Variants in MEMO1 observed in about 807,000 individuals in gnomAD.
The protein encoded by MEMO1 is mediator of cell motility 1, also known as protein MEMO1.
Under a neutral mutation model 45.2 loss-of-function variants are expected in MEMO1, and 6 were observed. The ratio of observed to expected loss-of-function variants is 0.13; its 90% CI spans 0.07 to 0.26. The LOEUF is 0.26. Ranked by LOEUF, MEMO1 falls within the 10% of genes least tolerant of loss-of-function variation. The pLI is 1.00. For missense variants in MEMO1, 184 were observed against 370.5 expected (o/e 0.50, Z 4.13); for synonymous variants, 78 against 124.3 (o/e 0.63, Z 2.48).
chr2:31,968,037 G>GT (rs1405770774), intron 2 of MEMO1, among the ~76,000 whole-genome samples: 1 of 152,138 alleles, frequency 6.6e-6, no homozygotes, highest in Non-Finnish European at 1.5e-5. Flanking sequence ...AAAAATGGAA[G>GT]TAAAAACTCA....
chr2:31,870,452 A>G (rs1673534489), intron 8 of MEMO1, among the ~76,000 whole-genome samples: 1 of 152,202 alleles, frequency 6.6e-6, no homozygotes, highest in Non-Finnish European at 1.5e-5. Context: ...AATATCAACC[A>G]TGTAAGGTAT....
At chr2:31,873,431 A>G (rs928478724) in intron 8 of MEMO1, among the ~76,000 whole-genome samples, 2 of 152,162 alleles carry the variant, frequency 1.3e-5, no homozygotes, top group Non-Finnish European at 2.9e-5. Context: ...TAATCAGTGA[A>G]TATTTGTGAT....
intron 4 of MEMO1, among the ~76,000 whole-genome samples, chr2:31,928,867 G>T (rs1426364564): frequency 1.3e-5 from 2 of 151,910 alleles, no homozygotes; most frequent in Non-Finnish European, 2.9e-5. Context: ...CAGAAACTTA[G>T]ACTCTTTAAA....
At chr2:31,889,544 G>T (rs1472403367) in intron 7 of MEMO1, among the ~76,000 whole-genome samples, 1 of 152,054 alleles carries the variant, frequency 6.6e-6, no homozygotes, top group Non-Finnish European at 1.5e-5. Flanking sequence ...ATGAATGTGA[G>T]AAACATGAAA....
chr2:31,999,882 ATTTTTTTT>A (rs5830219), intron 2 of MEMO1, among the ~76,000 whole-genome samples: 1 of 123,118 alleles, frequency 8.1e-6, no homozygotes, highest in African/African-American at 3.1e-5. Flanking sequence ...TGCATCAGGC[ATTTTTTTT>A]TTTTTTTTTT....
At chr2:31,887,581 A>AATGTATTTCATAAAGGAAAT (rs1676384470) in intron 7 of MEMO1, among the ~76,000 whole-genome samples, 1 of 152,178 alleles carries the variant, frequency 6.6e-6, no homozygotes, top group Non-Finnish European at 1.5e-5. Context: ...CCAAAGAAAA[A>AATGTATTTCATAAAGGAAAT]ATGTATTTCA....
chr2:32,007,767 A>C lies in MEMO1; in HGVS notation c.61+2420T>G, dbSNP rs115257706. 3.4e-3 allele frequency among the ~76,000 whole-genome samples: 515 copies of C among 152,334 alleles called. 1 individual carries two copies. Among genetic ancestry groups the C allele is most frequent in the Non-Finnish European group, 4.9e-3 (336 of 68,028 alleles). ...ACAAGTCCAATTTTTCCAAAGGTCAATGTTATCAATGTAGGTACACTGACA... is the reference window on the plus strand; with the variant it reads ...ACAAGTCCAATTTTTCCAAAGGTCACTGTTATCAATGTAGGTACACTGACA... On this transcript the variant is annotated intron_variant, in intron 2 of 9. Coordinates refer to ENST00000404530, the MANE Select transcript of MEMO1 (RefSeq NM_001301833.4).
chr2:31,988,777 A>T (rs1022085928), intron 2 of MEMO1, among the ~76,000 whole-genome samples: 1 of 152,348 alleles, frequency 6.6e-6, no homozygotes, highest in Non-Finnish European at 1.5e-5. Context: ...TTAAATGGGT[A>T]GAAAGATGGC....
chr2:32,004,312 T>C (rs566112459), intron 2 of MEMO1, among the ~76,000 whole-genome samples: 10 of 149,784 alleles, frequency 6.7e-5, no homozygotes, highest in Middle Eastern at 6.8e-3. Context: ...TAGAAGTCAA[T>C]ATGAAAAAAA....
chr2:31,947,091 G>A (rs749460515), intron 2 of MEMO1, among the ~76,000 whole-genome samples: 3 of 152,064 alleles, frequency 2.0e-5, no homozygotes, highest in Non-Finnish European at 4.4e-5. Flanking sequence ...ACCATTTCTC[G>A]AGTGCATCCC....
At chr2:31,970,819 C>T (rs1669303686) in intron 2 of MEMO1, among the ~76,000 whole-genome samples, 1 of 152,142 alleles carries the variant, frequency 6.6e-6, no homozygotes. Context: ...GCCTGGCCAA[C>T]GTGGTGAAAC....
At chr2:31,974,710 A>G (rs984021988) in intron 2 of MEMO1, among the ~76,000 whole-genome samples, 6 of 152,014 alleles carry the variant, frequency 3.9e-5, no homozygotes, top group African/African-American at 1.5e-4. Flanking sequence ...GGTTGCAGTG[A>G]GCCAAGATTG....
intron 4 of MEMO1, chr2:31,923,565 C>T (rs1682648536): frequency 1.4e-6 from 2 of 1,381,104 alleles, no homozygotes. Context: ...AAATTAAAGG[C>T]TTACGTGGGC....
chr2:31,885,472 A>T (rs968017526), intron 7 of MEMO1, among the ~76,000 whole-genome samples: 2 of 152,226 alleles, frequency 1.3e-5, no homozygotes, highest in Non-Finnish European at 2.9e-5. Flanking sequence ...CTCAGTGCCA[A>T]ATCTAAAGTG....
At chr2:31,929,937 AT>A (rs1260004075) in intron 4 of MEMO1, among the ~76,000 whole-genome samples, 1 of 152,240 alleles carries the variant, frequency 6.6e-6, no homozygotes, top group Non-Finnish European at 1.5e-5. Context: ...TTCATTCAGA[AT>A]TCAGTTATTA....
intron 6 of MEMO1, among the ~76,000 whole-genome samples, chr2:31,916,671 G>C (rs1681493089): frequency 6.6e-6 from 1 of 152,018 alleles, no homozygotes. Flanking sequence ...TAATATATAT[G>C]GTTTCACATT....
intron 6 of MEMO1, among the ~76,000 whole-genome samples, chr2:31,902,755 GT>G (rs201591270): frequency 6.7e-6 from 1 of 150,242 alleles, no homozygotes; most frequent in Non-Finnish European, 1.5e-5. Context: ...TGTTTGTTTT[GT>G]TTTTTTTTGT....
chr2:31,991,551 A>C (rs1671951045), intron 2 of MEMO1, among the ~76,000 whole-genome samples: 1 of 136,522 alleles, frequency 7.3e-6, no homozygotes, highest in Non-Finnish European at 1.6e-5. Flanking sequence ...AGCCTGGGCA[A>C]CAAGAGCAAA....
chr2:31,901,068 T>C (rs1678714605), intron 6 of MEMO1, among the ~76,000 whole-genome samples: 1 of 152,136 alleles, frequency 6.6e-6, no homozygotes, highest in South Asian at 2.1e-4. Context: ...ATGGAATAAT[T>C]ATTTGGCAAT....
Sources: allele counts gnomAD v4.1 joint callset (sites outside exome capture counted in the v4.1 genomes callset), GRCh38; gene constraint gnomAD v4.1.1; transcripts MANE v1.5; gene names NCBI Gene and HGNC (gene_info 2026-07-23, HGNC 2026-07-21).